Variants in CLMN observed in about 807,000 individuals in gnomAD.
CLMN encodes the protein calmin.
In CLMN, 57 loss-of-function variants were observed where a neutral mutation model predicts 92.7. The ratio of observed to expected loss-of-function variants is 0.61; its 90% CI spans 0.50 to 0.77. CLMN has a LOEUF of 0.77. CLMN is among the 30% of genes least tolerant of loss of function. The pLI is 0.00. For missense variants in CLMN, 1,158 were observed against 1,237.5 expected (o/e 0.94, Z 0.96); for synonymous variants, 466 against 470.6 (o/e 0.99, Z 0.13).
intron 1 of CLMN, among the ~76,000 whole-genome samples, chr14:95,261,614 T>G (rs1003811225): frequency 6.6e-6 from 1 of 152,230 alleles, no homozygotes; most frequent in Non-Finnish European, 1.5e-5. Flanking sequence ...TGGAATGGAA[T>G]GAGCAGTCAC....
intron 1 of CLMN, among the ~76,000 whole-genome samples, chr14:95,257,241 C>T (rs1899037381): frequency 6.6e-6 from 1 of 152,206 alleles, no homozygotes; most frequent in Admixed American, 6.5e-5. Flanking sequence ...AAACAACGGT[C>T]GAGAGCCTGC....
chr14:95,209,029 G>A (rs542689820), intron 8 of CLMN, among the ~76,000 whole-genome samples: 2 of 152,064 alleles, frequency 1.3e-5, no homozygotes, highest in African/African-American at 2.4e-5. Context: ...TAATGATGTC[G>A]GCCCATGGTT....
intron 1 of CLMN, among the ~76,000 whole-genome samples, chr14:95,300,582 C>A (rs969041908): frequency 1.3e-5 from 2 of 152,230 alleles, no homozygotes; most frequent in African/African-American, 4.8e-5. Context: ...ATGAGCCACG[C>A]TGCTGCCTAC....
intron 1 of CLMN, among the ~76,000 whole-genome samples, chr14:95,237,759 C>A (rs1236276908): frequency 6.6e-6 from 1 of 152,190 alleles, no homozygotes; most frequent in African/African-American, 2.4e-5. Flanking sequence ...GTCTAGAAAT[C>A]TCTTGCCCAA....
intron 1 of CLMN, among the ~76,000 whole-genome samples, chr14:95,297,719 C>T (rs957796128): frequency 6.6e-6 from 1 of 152,008 alleles, no homozygotes; most frequent in Admixed American, 6.6e-5. Context: ...AGCAGTATTC[C>T]ACTGCATGGA....
chr14:95,211,963 T>C (rs567692372), intron 6 of CLMN, among the ~76,000 whole-genome samples: 83 of 152,310 alleles, frequency 5.4e-4, no homozygotes, highest in Non-Finnish European at 8.8e-4. Context: ...CCCAAGACAC[T>C]TCCTCTCCCA....
intron 2 of CLMN, among the ~76,000 whole-genome samples, chr14:95,229,198 T>G (rs1566880832): frequency 6.6e-6 from 1 of 152,140 alleles, no homozygotes; most frequent in Non-Finnish European, 1.5e-5. Flanking sequence ...AGTCTTGAGG[T>G]CCATCCAACC....
chr14:95,210,728 C>A lies in CLMN; in HGVS notation c.760G>T (p.Ala254Ser). The change falls in exon 7 of 13, where the codon GCA (alanine) becomes TCA (serine). Residue 254 changes from alanine (A) to serine (S), a missense_variant. Coordinates refer to ENST00000298912, the MANE Select transcript of CLMN (RefSeq NM_024734.4). Reference protein sequence around the residue: ...RENLEKAFSIAQDALHIPRLL... With the variant: ...RENLEKAFSISQDALHIPRLL... ...CTGGGGATGTGCAGGGCATCCTGTG[C>A]GATGCTGAAAGCCTTCTCTAGATTT... is the stretch of plus-strand genomic sequence containing the variant. The A allele has an allele frequency of 6.2e-7, 1 of 1,609,688 alleles. No homozygotes were observed. Among genetic ancestry groups the A allele is most frequent in the Non-Finnish European group, 8.5e-7 (1 of 1,178,164 alleles).
chr14:95,242,264 T>TC (rs1898276858), intron 1 of CLMN, among the ~76,000 whole-genome samples: 1 of 136,944 alleles, frequency 7.3e-6, no homozygotes, highest in African/African-American at 2.8e-5. Flanking sequence ...TTTTTTTTTT[T>TC]TTTTTTTTTT....
At position 95,319,859 on chromosome 14, in the gene CLMN, G is replaced by A. The variant is rs1268958410; in HGVS notation, c.-67C>T. On this transcript the variant is annotated 5_prime_UTR_variant, in exon 1 of 13. Transcript: ENST00000298912. ...GCGGGCGCGGAGAGCCTGGCTGGCG[G>A]GCGCGCGAGCGGCACGCACCCGGCG... 4.1e-6 allele frequency: 4 copies of A among 971,346 alleles called. No homozygotes were observed. The highest frequency in any genetic ancestry group is 1.8e-5 in the African/African-American group (1 of 54,648). The allele number at this position is 971,346 out of a possible 1,614,324, so 60.2% of individuals were successfully genotyped here.
At chr14:95,244,535 C>T (rs149789150) in intron 1 of CLMN, among the ~76,000 whole-genome samples, 54 of 152,274 alleles carry the variant, frequency 3.5e-4, no homozygotes, top group African/African-American at 1.1e-3. Context: ...AAACTAAGAA[C>T]GCACAGAAAC....
intron 4 of CLMN, among the ~76,000 whole-genome samples, chr14:95,220,369 G>A (rs1006856608): frequency 5.9e-5 from 9 of 152,072 alleles, no homozygotes; most frequent in South Asian, 2.1e-4. Context: ...TAGAGATGGC[G>A]TTTCATCATG....
At chr14:95,317,722 T>C (rs890258729) in intron 1 of CLMN, among the ~76,000 whole-genome samples, 3 of 152,146 alleles carry the variant, frequency 2.0e-5, no homozygotes, top group Non-Finnish European at 2.9e-5. Context: ...GGCAGTGTTA[T>C]TGGCTGAGAA....
At position 95,203,795 on chromosome 14, in the gene CLMN, G is replaced by A. The variant is rs10131338; in HGVS notation, c.1554C>T (p.His518=). The A allele has an allele frequency of 1.8e-3, 2,899 of 1,614,098 alleles. 45 individuals carry two copies. The African/African-American group carries it at 0.034, about 19-fold the overall frequency. ...CNGALESTAR[H]DEESHSLSPP... is the part of the protein sequence containing the mutation. ...GTGAAAGAGAGTGACTTTCTTCATC[G>A]TGGCGGGCTGTACTCTCTAAAGCAC... Residue 518 remains histidine, a synonymous_variant, in exon 9 of 13, where the codon CAC becomes CAT. Coordinates refer to ENST00000298912, the MANE Select transcript of CLMN (RefSeq NM_024734.4).
intron 1 of CLMN, among the ~76,000 whole-genome samples, chr14:95,243,654 G>C (rs1398592180): frequency 6.8e-6 from 1 of 147,874 alleles, no homozygotes; most frequent in Non-Finnish European, 1.5e-5. Flanking sequence ...AGAAATAGGT[G>C]AAAAAAAATC....
Position 95,223,871 on chromosome 14 carries a change from G to A in CLMN, c.145-16C>T, listed in dbSNP as rs754705638. The A allele has an allele frequency of 3.2e-6, 5 of 1,574,998 alleles. No homozygotes were observed. The highest frequency in any genetic ancestry group is 3.5e-6 in the Non-Finnish European group (4 of 1,149,088). On this transcript the variant is annotated splice_polypyrimidine_tract_variant and intron_variant, in intron 2 of 12. Coordinates refer to ENST00000298912, the MANE Select transcript of CLMN (RefSeq NM_024734.4). ...GTGGGTTGCACTTTGAAAGAGAAGG[G>A]AAGAAAGTAGCCAATTAGCAACCTG...
chr14:95,183,525 G>A lies in CLMN; in HGVS notation c.*8039C>T, dbSNP rs959288530. ...TTATGAATTCATCCAAGTAATTCGT[G>A]GTCTCTACTTCTCCATTTTAATTAC... On this transcript the variant is annotated 3_prime_UTR_variant, in exon 13 of 13. Coordinates refer to ENST00000298912, the MANE Select transcript of CLMN (RefSeq NM_024734.4). 2.0e-5 allele frequency: 3 copies of A among 152,122 alleles called. No homozygotes were observed. Among genetic ancestry groups the A allele is most frequent in the African/African-American group, 7.2e-5 (3 of 41,412 alleles). The allele number at this position is 152,122 out of a possible 1,614,324, so 9.4% of individuals were successfully genotyped here.
Position 95,204,157 on chromosome 14 carries a change from T to C in CLMN, c.1192A>G (p.Ile398Val). The change falls in exon 9 of 13, where the codon ATC becomes GTC. Residue 398 changes from isoleucine (I) to valine (V), a missense_variant. Physicochemically the swap from Ile to Val is conservative, Grantham distance 29. Transcript: ENST00000298912. The part of the protein sequence containing the change: ...LQGGPGKTSD[I>V]SEPSPESSIL... ...GAGGATTCTGGAGATGGCTCACTGATGTCGCTGGTCTTACCTGGGCCCCCT... is the reference window on the plus strand; with the variant it reads ...GAGGATTCTGGAGATGGCTCACTGACGTCGCTGGTCTTACCTGGGCCCCCT... 3.1e-6 allele frequency: 5 copies of C among 1,614,184 alleles called. No individual in the cohort carries two copies. Among genetic ancestry groups the C allele is most frequent in the Non-Finnish European group, 4.2e-6 (5 of 1,180,040 alleles).
intron 1 of CLMN, among the ~76,000 whole-genome samples, chr14:95,312,923 C>T (rs563274653): frequency 3.9e-5 from 6 of 152,228 alleles, no homozygotes; most frequent in East Asian, 3.9e-4. Flanking sequence ...TACACATACA[C>T]GGCCAGGTGC....
Sources: gnomAD v4.1 joint callset for allele counts (sites outside exome capture counted in the v4.1 genomes callset) on GRCh38, gnomAD v4.1.1 for gene constraint, MANE v1.5 for transcripts, NCBI Gene and HGNC (gene_info 2026-07-23, HGNC 2026-07-21) for gene names.